Variants in PAPPA2 observed in about 807,000 individuals in gnomAD.
PAPPA2 encodes pappalysin-2.
In PAPPA2, 86 loss-of-function variants were observed where a neutral mutation model predicts 176.4. The observed-to-expected ratio is 0.49, with a 90% CI of 0.41 to 0.58. PAPPA2 has a LOEUF of 0.58. PAPPA2 is among the 20% of genes least tolerant of loss of function. The probability of loss-of-function intolerance (pLI) is 0.00; values close to 1 mark genes in which losing one functional copy is unlikely to be tolerated. For synonymous variants in PAPPA2, 809 were observed against 852.2 expected, an observed-to-expected ratio of 0.95 and a Z score of 0.88; for missense variants, 2,073 against 2,256.9, an observed-to-expected ratio of 0.92 and a Z score of 1.65.
intron 21 of PAPPA2, among the ~76,000 whole-genome samples, chr1:176,800,600 A>G (rs1356328000): frequency 1.3e-5 from 2 of 152,226 alleles, no homozygotes; most frequent in Non-Finnish European, 2.9e-5. Context: ...CACATCCCAA[A>G]TAAAAATAAA....
rs764247478 is a variant in PAPPA2, at chr1:176,694,126, C to G, written c.2625-1612C>G. On this transcript the variant is annotated intron_variant, in intron 6 of 22. Coordinates refer to ENST00000367662, the MANE Select transcript of PAPPA2 (RefSeq NM_020318.3). Reference sequence around the variant, plus strand: ...TGCTTGGAGTTGTGTTTACTCCACCCCAGCAGGTATTTGGAACCCTTATGT... The same window carrying G: ...TGCTTGGAGTTGTGTTTACTCCACCGCAGCAGGTATTTGGAACCCTTATGT... 1.1e-4 allele frequency among the ~76,000 whole-genome samples: 16 copies of G among 152,142 alleles called. 1 individual carries two copies. Among genetic ancestry groups the G allele is most frequent in the Admixed American group, 6.5e-4 (10 of 15,274 alleles).
chr1:176,507,499 CTG>C lies in PAPPA2; in HGVS notation c.-917+44085_-917+44086del, dbSNP rs562185410. ...GACACCTGCACTTGTATGTTCATCA[CTG>C]TGTTATTCACAATAGCAAAGACATG... On this transcript the variant is annotated intron_variant, in intron 1 of 22. Transcript: ENST00000367662. Among the ~76,000 whole-genome samples the C allele has an allele frequency of 1.8e-4, 28 of 152,286 alleles. No homozygotes were observed. In the East Asian group the frequency reaches 5.2e-3, roughly 28 times the overall value.
intron 12 of PAPPA2, among the ~76,000 whole-genome samples, chr1:176,731,908 T>C (rs994621726): frequency 6.6e-6 from 1 of 152,148 alleles, no homozygotes; most frequent in African/African-American, 2.4e-5. Flanking sequence ...GGTATCTCCA[T>C]GCAATATTTG....
chr1:176,491,207 T>C (rs1186575506), intron 1 of PAPPA2, among the ~76,000 whole-genome samples: 1 of 152,250 alleles, frequency 6.6e-6, no homozygotes, highest in African/African-American at 2.4e-5. Context: ...TATACATGGG[T>C]CAGTCTCTGT....
At chr1:176,742,640 T>C (rs2102876970) in intron 14 of PAPPA2, among the ~76,000 whole-genome samples, 1 of 152,318 alleles carries the variant, frequency 6.6e-6, no homozygotes, top group South Asian at 2.1e-4. Flanking sequence ...ACCGGGAGCC[T>C]GGTAAATCCC....
rs1455220765 is a variant in PAPPA2 at position 176,791,062 on chromosome 1, T to G, written c.4885-285T>G. ...AAAAATAGCTCTGAATATATGAGCT[T>G]CGGTTGATAGCTGATTGTGTTCCTA... On this transcript the variant is annotated intron_variant, in intron 18 of 22. Coordinates refer to ENST00000367662, the MANE Select transcript of PAPPA2 (RefSeq NM_020318.3). Among the ~76,000 whole-genome samples the G allele has an allele frequency of 3.3e-5, 5 of 152,260 alleles. No homozygotes were observed. In the East Asian group the frequency reaches 9.7e-4, roughly 29 times the overall value.
chr1:176,842,260 G>A, intron 22 of PAPPA2, 120 bp from the exon 23 acceptor site: 1 of 860,160 alleles, frequency 1.2e-6, no homozygotes. Flanking sequence ...TTTCCAGTTT[G>A]TGATATTGGC....
chr1:176,469,608 G>T (rs1486799033), intron 1 of PAPPA2, among the ~76,000 whole-genome samples: 2 of 152,172 alleles, frequency 1.3e-5, no homozygotes, highest in East Asian at 3.9e-4. Context: ...ACTAGAAAAG[G>T]CAAAGCAACC....
chr1:176,826,815 C>A (rs1397033727), intron 21 of PAPPA2, among the ~76,000 whole-genome samples: 1 of 152,104 alleles, frequency 6.6e-6, no homozygotes, highest in African/African-American at 2.4e-5. Context: ...ATGTGCGGGG[C>A]CCCTCTAGAC....
chr1:176,782,804 C>G (rs1664776997), intron 17 of PAPPA2, among the ~76,000 whole-genome samples: 1 of 152,138 alleles, frequency 6.6e-6, no homozygotes, highest in South Asian at 2.1e-4. Context: ...AAAGTTCCCT[C>G]CGACTAATCT....
At position 176,815,345 on chromosome 1, in the gene PAPPA2, C is replaced by T. The variant is rs149750682; in HGVS notation, c.5202+15213C>T. ...TAATTTTAATTCTATAAAAGTGATA[C>T]ATGTACCTAGTTTGAAAAGCTAGTT... On this transcript the variant is annotated intron_variant, in intron 21 of 22. Coordinates refer to ENST00000367662, the MANE Select transcript of PAPPA2 (RefSeq NM_020318.3). Among the ~76,000 whole-genome samples, 57 of 152,192 alleles carry T rather than the reference C, an allele frequency of 3.7e-4. 1 individual carries two copies. The highest frequency in any genetic ancestry group is 6.8e-3 in the Middle Eastern group (2 of 294).
At chr1:176,831,571 CAAGACCACTCATATAG>C (rs998635876) in intron 21 of PAPPA2, among the ~76,000 whole-genome samples, 5 of 152,144 alleles carry the variant, frequency 3.3e-5, no homozygotes, top group Admixed American at 1.3e-4. Context: ...TTGAGGTGGG[CAAGACCACTCATATAG>C]AACTGTCTCT....
intron 12 of PAPPA2, among the ~76,000 whole-genome samples, chr1:176,730,330 C>T (rs552895150): frequency 6.6e-6 from 1 of 151,492 alleles, no homozygotes; most frequent in South Asian, 2.1e-4. Context: ...CTATTTTTTC[C>T]AATTTTGAAT....
At chr1:176,741,801 T>C (rs1345437852) in intron 14 of PAPPA2, among the ~76,000 whole-genome samples, 1 of 152,200 alleles carries the variant, frequency 6.6e-6, no homozygotes, top group Non-Finnish European at 1.5e-5. Context: ...CTCCAAATAT[T>C]AACACAAGAA....
rs1467456981 is a variant in PAPPA2 at position 176,555,697 on chromosome 1, T to A, written c.-626T>A. The A allele has an allele frequency of 3.9e-5, 6 of 152,284 alleles. No individual in the cohort carries two copies. Among genetic ancestry groups the A allele is most frequent in the African/African-American group, 1.4e-4 (6 of 41,466 alleles). 9.4% of individuals were successfully genotyped at this position (152,284 alleles called of 1,614,324 possible). On this transcript the variant is annotated 5_prime_UTR_variant, in exon 2 of 23. Transcript: ENST00000367662. ...GTGCCCCTAGATTATTTTTGCATTT[T>A]AAAATAAGAAGCATCAAATTGCGTG...
chr1:176,739,445 G>T (rs1291842757), intron 12 of PAPPA2, among the ~76,000 whole-genome samples, 181 bp from the exon 13 acceptor site: 1 of 151,998 alleles, frequency 6.6e-6, no homozygotes, highest in Non-Finnish European at 1.5e-5. Flanking sequence ...ATTTGATCTT[G>T]TTGTTTGATA....
intron 1 of PAPPA2, among the ~76,000 whole-genome samples, chr1:176,525,886 T>C (rs944648788): frequency 2.0e-5 from 3 of 152,212 alleles, no homozygotes; most frequent in Non-Finnish European, 4.4e-5. Flanking sequence ...TCCTCTACTT[T>C]GGAATTTTGA....
In PAPPA2 at chr1:176,665,062, A is replaced by G. The variant is rs143848222; in HGVS notation, c.1992-5908A>G. Among the ~76,000 whole-genome samples the G allele has an allele frequency of 8.1e-4, 123 of 152,242 alleles. 1 individual carries two copies. Among genetic ancestry groups the G allele is most frequent in the African/African-American group, 2.7e-3 (112 of 41,534 alleles). ...TGTCATAGAAAGAGTATTAGAAGTG[A>G]CACCAATTCAGAGAGGGACCAGGGA... On this transcript the variant is annotated intron_variant, in intron 3 of 22. Transcript: ENST00000367662.
At chr1:176,807,050 A>T (rs1167620393) in intron 21 of PAPPA2, among the ~76,000 whole-genome samples, 1 of 152,212 alleles carries the variant, frequency 6.6e-6, no homozygotes, top group Non-Finnish European at 1.5e-5. Context: ...CGCAAGAGAA[A>T]ACTCAGTCTA....
Sources: allele counts gnomAD v4.1 joint callset (sites outside exome capture counted in the v4.1 genomes callset), GRCh38; gene constraint gnomAD v4.1.1; transcripts MANE v1.5; gene names NCBI Gene and HGNC (gene_info 2026-07-23, HGNC 2026-07-21).